The following ATG4C variants were observed in gnomAD, a reference collection of about 807,000 sequenced individuals.
ATG4C encodes the protein autophagy related 4C cysteine peptidase.
A neutral mutation model predicts 57.6 loss-of-function variants in ATG4C; 56 were observed. That is an observed-to-expected ratio of 0.97 (90% CI 0.78 to 1.21). The LOEUF (loss-of-function observed/expected upper bound fraction) is 1.21, where lower values mean the gene tolerates loss of function less well. Among genes scored for constraint, ATG4C ranks in the 50% most tolerant of loss-of-function variants. The pLI is 0.00. For synonymous variants in ATG4C, 157 were observed against 174.1 expected (o/e 0.90, Z 0.78); for missense variants, 595 against 529.8 (o/e 1.12, Z -1.21).
Position 62,834,781 on chromosome 1 carries a change from A to C in ATG4C, c.1018A>C (p.Ser340Arg). 6.2e-7 allele frequency: 1 copy of C among 1,611,410 alleles called. No homozygotes were observed. Among genetic ancestry groups the C allele is most frequent in the Non-Finnish European group, 8.5e-7 (1 of 1,178,074 alleles). ...SYYFAGFQDD[S>R]LIYMDPHYCQ... is the part of the protein sequence containing the mutation. Reference sequence around the variant, plus strand: ...CTTCTGTTTTGTCCTTGTAGATGACAGTTTGATTTACATGGATCCTCATTA... The same window carrying C: ...CTTCTGTTTTGTCCTTGTAGATGACCGTTTGATTTACATGGATCCTCATTA... The change falls in exon 9 of 11, where the codon AGT becomes CGT. Residue 340 changes from serine to arginine, a missense_variant. Transcript: ENST00000317868.
intron 7 of ATG4C, among the ~76,000 whole-genome samples, chr1:62,833,079 A>ATG (rs1553227735): frequency 6.6e-6 from 1 of 152,016 alleles, no homozygotes; most frequent in Non-Finnish European, 1.5e-5. Context: ...TATTTCCTGT[A>ATG]TGTGTGTGTG....
At chr1:62,852,600 T>A (rs1666550901) in intron 10 of ATG4C, among the ~76,000 whole-genome samples, 1 of 152,220 alleles carries the variant, frequency 6.6e-6, no homozygotes, top group Non-Finnish European at 1.5e-5. Context: ...TTTTGGTTAG[T>A]CACTATTCAG....
At chr1:62,787,058 G>C (rs1416489755) in intron 1 of ATG4C, among the ~76,000 whole-genome samples, 2 of 152,154 alleles carry the variant, frequency 1.3e-5, no homozygotes, top group African/African-American at 4.8e-5. Context: ...TATATAACTG[G>C]AAGGATTGTT....
intron 10 of ATG4C, among the ~76,000 whole-genome samples, chr1:62,843,837 A>C (rs1480196286): frequency 6.6e-6 from 1 of 152,170 alleles, no homozygotes; most frequent in Non-Finnish European, 1.5e-5. Flanking sequence ...AGGGGAAATA[A>C]GACAAGTAGA....
At chr1:62,818,722 C>T (rs1443005230) in intron 4 of ATG4C, among the ~76,000 whole-genome samples, 6 of 152,008 alleles carry the variant, frequency 3.9e-5, no homozygotes, top group Non-Finnish European at 7.4e-5. Context: ...GTGAATAATT[C>T]AGTGGTTCTT....
At chr1:62,832,877 A>C (rs375667216) in intron 7 of ATG4C, among the ~76,000 whole-genome samples, 1 of 152,198 alleles carries the variant, frequency 6.6e-6, no homozygotes, top group South Asian at 2.1e-4. Context: ...ATAGGAAAAG[A>C]TATTCATGAC....
intron 3 of ATG4C, among the ~76,000 whole-genome samples, chr1:62,814,791 G>A (rs1218661131): frequency 6.6e-6 from 1 of 152,046 alleles, no homozygotes; most frequent in Non-Finnish European, 1.5e-5. Context: ...GGCCAGGCAC[G>A]GTGGCTCTCA....
At chr1:62,853,528 C>G (rs1156932025) in intron 10 of ATG4C, among the ~76,000 whole-genome samples, 1 of 152,146 alleles carries the variant, frequency 6.6e-6, no homozygotes, top group Non-Finnish European at 1.5e-5. Context: ...CTCACTGCAG[C>G]CCCGACCTCG....
intron 6 of ATG4C, among the ~76,000 whole-genome samples, chr1:62,822,014 C>A (rs942455240): frequency 6.6e-6 from 1 of 152,008 alleles, no homozygotes; most frequent in African/African-American, 2.4e-5. Flanking sequence ...GAATGCTCAA[C>A]CTGTAGTAAT....
At chr1:62,850,252 A>G (rs1404787975) in intron 10 of ATG4C, among the ~76,000 whole-genome samples, 1 of 152,086 alleles carries the variant, frequency 6.6e-6, no homozygotes, top group Non-Finnish European at 1.5e-5. Flanking sequence ...TTTAAAATAT[A>G]CTTAGAATTT....
At chr1:62,807,737 A>T (rs145906352) in intron 3 of ATG4C, among the ~76,000 whole-genome samples, 1 of 152,318 alleles carries the variant, frequency 6.6e-6, no homozygotes, top group African/African-American at 2.4e-5. Context: ...TCTTTATGAT[A>T]TCCTTTATAA....
intron 10 of ATG4C, among the ~76,000 whole-genome samples, chr1:62,861,353 C>T (rs187995992): frequency 6.6e-6 from 1 of 152,114 alleles, no homozygotes; most frequent in Admixed American, 6.6e-5. Flanking sequence ...TGAGACCAGC[C>T]TGGGCAACAT....
At chr1:62,787,135 G>A (rs1351243426) in intron 1 of ATG4C, among the ~76,000 whole-genome samples, 1 of 152,164 alleles carries the variant, frequency 6.6e-6, no homozygotes, top group Non-Finnish European at 1.5e-5. Flanking sequence ...TTGTTTATTA[G>A]TATTTTTTGT....
intron 5 of ATG4C, among the ~76,000 whole-genome samples, chr1:62,820,462 GAATAAT>G (rs1040844209): frequency 2.0e-5 from 3 of 151,960 alleles, no homozygotes; most frequent in Non-Finnish European, 2.9e-5. Context: ...ATAGGAACAT[GAATAAT>G]AGGGCATTTT....
At chr1:62,831,331 A>T (rs1022248756) in intron 7 of ATG4C, among the ~76,000 whole-genome samples, 13 of 152,064 alleles carry the variant, frequency 8.5e-5, no homozygotes, top group African/African-American at 2.4e-4. Context: ...AAGAAAAATA[A>T]TTTTTTCCTT....
chr1:62,840,932 T>C (rs1308164849), intron 9 of ATG4C, among the ~76,000 whole-genome samples: 1 of 152,244 alleles, frequency 6.6e-6, no homozygotes, highest in Admixed American at 6.5e-5. Context: ...TGTGAATTGC[T>C]AAAACCCTCA....
rs1331189513 is a variant in ATG4C at position 62,841,566 on chromosome 1, T to C, written c.1209+19T>C. 3.9e-6 allele frequency: 6 copies of C among 1,539,680 alleles called. No homozygotes were observed. The highest frequency in any genetic ancestry group is 1.4e-5 in the African/African-American group (1 of 71,448). On this transcript the variant is annotated intron_variant, in intron 10 of 10. Transcript: ENST00000317868. ...CACCAAGGTATCTTTATTTAAAATA[T>C]TATATTTGTAAATGACCTAATTTTA...
chr1:62,819,932 A>C (rs1665428453), intron 5 of ATG4C, among the ~76,000 whole-genome samples: 1 of 152,046 alleles, frequency 6.6e-6, no homozygotes, highest in Admixed American at 6.6e-5. Flanking sequence ...TTTTTAAAAA[A>C]ATTATCTTAT....
intron 10 of ATG4C, among the ~76,000 whole-genome samples, chr1:62,856,849 A>G (rs962337883): frequency 6.5e-4 from 99 of 152,270 alleles, no homozygotes; most frequent in African/African-American, 2.3e-3. Context: ...GGGGAAATCT[A>G]TGGTAGGATG....
Sources: gnomAD v4.1 joint callset for allele counts (sites outside exome capture counted in the v4.1 genomes callset) on GRCh38, gnomAD v4.1.1 for gene constraint, MANE v1.5 for transcripts, NCBI Gene and HGNC (gene_info 2026-07-23, HGNC 2026-07-21) for gene names.